WIPF1: variants seen among roughly 807,000 people sequenced by gnomAD.
WIPF1 encodes WAS/WASL-interacting protein family member 1.
A neutral mutation model predicts 35.4 loss-of-function variants in WIPF1; 13 were observed. The ratio of observed to expected loss-of-function variants is 0.37; its 90% CI spans 0.24 to 0.58. WIPF1 has a LOEUF of 0.58. Ranked by LOEUF, WIPF1 falls within the 20% of genes least tolerant of loss-of-function variation. The pLI is 0.74. For synonymous variants in WIPF1, 267 were observed against 266.3 expected (o/e 1.00, Z -0.02); for missense variants, 591 against 667.0 (o/e 0.89, Z 1.25).
At chr2:174,563,555 G>C (rs1240971030) in intron 7 of WIPF1, among the ~76,000 whole-genome samples, 1 of 152,180 alleles carries the variant, frequency 6.6e-6, no homozygotes, top group African/African-American at 2.4e-5. Flanking sequence ...GTGACAGAGT[G>C]AGACCCTGTC....
At chr2:174,676,109 C>T (rs1449731121) in intron 1 of WIPF1, among the ~76,000 whole-genome samples, 1 of 150,540 alleles carries the variant, frequency 6.6e-6, no homozygotes, top group African/African-American at 2.4e-5. Flanking sequence ...GCCACCATGC[C>T]TGGCTTTTTT....
Position 174,572,322 on chromosome 2 carries a change from G to A in WIPF1, c.483C>T (p.Pro161=). Residue 161 remains proline, a synonymous_variant, in exon 5 of 8, where the codon CCC becomes CCT. Transcript: ENST00000679041. ...PVPSPGHRSG[P]PEPQRNRMPP... is the part of the protein sequence containing the mutation. ...GCATTCGGTTCCTCTGAGGCTCTGGGGGACCACTTCTGTGGCCTGGAGAAG... is the reference window on the plus strand; with the variant it reads ...GCATTCGGTTCCTCTGAGGCTCTGGAGGACCACTTCTGTGGCCTGGAGAAG... The A allele has an allele frequency of 6.2e-7, 1 of 1,614,160 alleles. No homozygotes were observed. Among genetic ancestry groups the A allele is most frequent in the Non-Finnish European group, 8.5e-7 (1 of 1,180,012 alleles).
At chr2:174,615,947 A>G (rs1005478509) in intron 1 of WIPF1, among the ~76,000 whole-genome samples, 3 of 152,244 alleles carry the variant, frequency 2.0e-5, no homozygotes, top group Non-Finnish European at 4.4e-5. Context: ...CTCATCCAAA[A>G]ACATGAAGTG....
chr2:174,614,779 C>A (rs1371042966), intron 1 of WIPF1, among the ~76,000 whole-genome samples: 1 of 152,236 alleles, frequency 6.6e-6, no homozygotes, highest in East Asian at 1.9e-4. Flanking sequence ...TCTTAACCTG[C>A]TGCAAAACAC....
At chr2:174,645,286 AG>A (rs1184402851) in intron 1 of WIPF1, among the ~76,000 whole-genome samples, 1 of 152,254 alleles carries the variant, frequency 6.6e-6, no homozygotes, top group Non-Finnish European at 1.5e-5. Context: ...TGTTCAAATA[AG>A]TAAATAAGTG....
At chr2:174,676,103 C>T (rs1286000681) in intron 1 of WIPF1, among the ~76,000 whole-genome samples, 2 of 151,018 alleles carry the variant, frequency 1.3e-5, no homozygotes, top group Non-Finnish European at 3.0e-5. Flanking sequence ...CATACAGCCA[C>T]CATGCCTGGC....
At chr2:174,612,638 C>T (rs1175904561) in intron 1 of WIPF1, among the ~76,000 whole-genome samples, 1 of 151,908 alleles carries the variant, frequency 6.6e-6, no homozygotes, top group Non-Finnish European at 1.5e-5. Flanking sequence ...TTTTAGCTTG[C>T]ATACTCCCAT....
chr2:174,630,032 C>T (rs993649587), intron 1 of WIPF1, among the ~76,000 whole-genome samples: 2 of 152,156 alleles, frequency 1.3e-5, no homozygotes, highest in African/African-American at 4.8e-5. Context: ...TTGTAGGCTC[C>T]AAGATATCAC....
intron 1 of WIPF1, among the ~76,000 whole-genome samples, chr2:174,652,678 C>T (rs1237670918): frequency 6.6e-6 from 1 of 151,994 alleles, no homozygotes; most frequent in East Asian, 1.9e-4. Flanking sequence ...CAAACTCAAA[C>T]TCCTACCACA....
upstream of WIPF1, chr2:174,597,852 T>G (rs534263476): frequency 1.5e-3 from 226 of 152,642 alleles, 2 homozygotes; most frequent in South Asian, 6.8e-3. Flanking sequence ...TGTTCCTTCC[T>G]CCTTTGCTGC....
chr2:174,673,852 T>C lies in WIPF1; in HGVS notation c.-39+8922A>G, dbSNP rs574041390. On this transcript the variant is annotated intron_variant, in intron 1 of 8. Transcript: ENST00000272746. ...AAAAAAAAAAAAAGAGTAACACTTT[T>C]ATTATGGCAGACATCAAGCATTCAC... 5 of 152,278 alleles carry C rather than the reference T, an allele frequency of 3.3e-5. No individual in the cohort carries two copies. The South Asian group carries it at 1.0e-3, about 32-fold the overall frequency. The allele number at this position is 152,278 out of a possible 1,614,324, so 9.4% of individuals were successfully genotyped here.
chr2:174,600,520 C>A (rs1685967782), upstream of WIPF1, among the ~76,000 whole-genome samples: 2 of 152,178 alleles, frequency 1.3e-5, no homozygotes, highest in Admixed American at 1.3e-4. Flanking sequence ...CTTAAATGCA[C>A]CAAGCTCATT....
intron 1 of WIPF1, among the ~76,000 whole-genome samples, chr2:174,679,406 T>G (rs988346610): frequency 2.6e-5 from 4 of 151,506 alleles, no homozygotes; most frequent in African/African-American, 7.3e-5. Flanking sequence ...AGGCAGAGGT[T>G]GCAGTGAGCT....
chr2:174,659,989 T>C (rs897921335), intron 1 of WIPF1, among the ~76,000 whole-genome samples: 2 of 152,168 alleles, frequency 1.3e-5, no homozygotes, highest in Non-Finnish European at 2.9e-5. Context: ...CACCAGTACC[T>C]GGATGTGGAT....
intron 1 of WIPF1, among the ~76,000 whole-genome samples, chr2:174,623,752 T>C (rs965356184): frequency 6.6e-6 from 1 of 152,246 alleles, no homozygotes; most frequent in Non-Finnish European, 1.5e-5. Flanking sequence ...GCAGGCAGCT[T>C]ATAAGATGGT....
intron 4 of WIPF1, chr2:174,574,912 T>G (rs1684994561): frequency 1.4e-6 from 1 of 715,886 alleles, no homozygotes; most frequent in Non-Finnish European, 2.6e-6. Context: ...TTCTATTTGC[T>G]CCTCCCTTTT....
At position 174,590,570 on chromosome 2, in the gene WIPF1, A is replaced by T. The variant is rs1685571997; in HGVS notation, c.-38-4959T>A. Among the ~76,000 whole-genome samples the T allele has an allele frequency of 6.6e-6, 1 of 152,142 alleles. No homozygotes were observed. The highest frequency in any genetic ancestry group is 2.1e-4 in the South Asian group (1 of 4,826). On this transcript the variant is annotated intron_variant, in intron 1 of 7. Coordinates refer to ENST00000679041, the MANE Select transcript of WIPF1 (RefSeq NM_001375834.1). The surrounding 1 kb of genome is among the most constrained non-coding windows in gnomAD (Gnocchi z 4.6). ...GAAAGGCAGCTGATTCGGGTGCAGG[A>T]GAGACGCAAGAAGGGAAGGGACTCA...
chr2:174,621,377 A>G (rs567245641), intron 1 of WIPF1, among the ~76,000 whole-genome samples: 2 of 152,336 alleles, frequency 1.3e-5, no homozygotes, highest in African/African-American at 4.8e-5. Flanking sequence ...GGTATCAGAA[A>G]GTGAATGAAA....
At chr2:174,574,729 G>A (rs1684988692) in intron 4 of WIPF1, 2 of 627,414 alleles carry the variant, frequency 3.2e-6, no homozygotes, top group Admixed American at 2.8e-5. Context: ...CCAAATATCT[G>A]TCATGCAAAA....
Sources: gnomAD v4.1 joint callset for allele counts (sites outside exome capture counted in the v4.1 genomes callset) on GRCh38, gnomAD v4.1.1 for gene constraint, Gnocchi (gnomAD v3.1) non-coding constraint, MANE v1.5 for transcripts, NCBI Gene and HGNC (gene_info 2026-07-23, HGNC 2026-07-21) for gene names.